The following DOCK8 variants were observed in gnomAD, a reference collection of about 807,000 sequenced individuals.
DOCK8 encodes the protein dedicator of cytokinesis protein 8.
A neutral mutation model predicts 245.6 loss-of-function variants in DOCK8; 141 were observed. The observed-to-expected ratio is 0.57, with a 90% confidence interval of 0.50 to 0.66. The LOEUF is 0.66. DOCK8 is among the 30% of genes least tolerant of loss of function. The pLI is 0.00. For missense variants in DOCK8, 2,965 were observed against 2,603.4 expected, an observed-to-expected ratio of 1.14 and a Z score of -3.02; for synonymous variants, 1,168 against 970.2, an observed-to-expected ratio of 1.20 and a Z score of -3.79.
chr9:374,696 C>T (rs909584971), intron 18 of DOCK8, among the ~76,000 whole-genome samples: 1 of 151,274 alleles, frequency 6.6e-6, no homozygotes, highest in Non-Finnish European at 1.5e-5. Context: ...AAACTCCTGG[C>T]CTCATGTGAT....
intron 33 of DOCK8, among the ~76,000 whole-genome samples, chr9:423,277 A>C (rs1265468508): frequency 6.6e-6 from 1 of 152,216 alleles, no homozygotes; most frequent in Non-Finnish European, 1.5e-5. Flanking sequence ...GTATTGCTAT[A>C]TATGCAACAA....
At chr9:361,683 C>T (rs2052738716) in intron 14 of DOCK8, among the ~76,000 whole-genome samples, 1 of 152,268 alleles carries the variant, frequency 6.6e-6, no homozygotes, top group Admixed American at 6.5e-5. Flanking sequence ...CCCACAAAAT[C>T]AGCAAATATT....
intron 40 of DOCK8, among the ~76,000 whole-genome samples, chr9:440,923 T>C (rs1313303792): frequency 6.6e-6 from 1 of 152,064 alleles, no homozygotes. Flanking sequence ...TTTGCAGAGA[T>C]GGGGTCTCCC....
intron 14 of DOCK8, among the ~76,000 whole-genome samples, chr9:348,036 G>A (rs992373552): frequency 4.6e-5 from 7 of 152,140 alleles, no homozygotes; most frequent in African/African-American, 1.2e-4. Context: ...AAGTATTGCA[G>A]CATCCTCCGA....
At chr9:415,692 G>GCACACACGCACACACGCGCACACACA (rs1554699022) in intron 29 of DOCK8, among the ~76,000 whole-genome samples, 4 of 150,978 alleles carry the variant, frequency 2.6e-5, no homozygotes, top group African/African-American at 9.7e-5. Context: ...GTGCGCGCGT[G>GCACACACGCACACACGCGCACACACA]CACACACACA....
intron 2 of DOCK8, among the ~76,000 whole-genome samples, chr9:285,372 T>C (rs2048776097): frequency 6.6e-6 from 1 of 152,070 alleles, no homozygotes; most frequent in Admixed American, 6.5e-5. Context: ...GGATCTGCCC[T>C]TGTCTCCCAT....
chr9:463,420 T>G, intron 46 of DOCK8, 97 bp from the exon 47 acceptor site: 1 of 1,504,206 alleles, frequency 6.6e-7, no homozygotes, highest in Non-Finnish European at 9.2e-7. Flanking sequence ...AAAACGTTCT[T>G]AAAGTTATTC....
intron 26 of DOCK8, among the ~76,000 whole-genome samples, chr9:403,928 A>ATATGTGTATATATATATATG (rs1333543547): frequency 2.7e-5 from 2 of 74,086 alleles, no homozygotes; most frequent in African/African-American, 1.7e-4. Context: ...ATATATATAT[A>ATATGTGTATATATATATATG]TGTGTATATA....
chr9:246,667 T>C (rs112090177), intron 1 of DOCK8, among the ~76,000 whole-genome samples: 1,553 of 152,326 alleles, frequency 0.01, 32 homozygotes, highest in African/African-American at 0.036. Context: ...AAATTTTTAA[T>C]ATTGTATAAA....
At chr9:333,620 C>T (rs1039133854) in intron 10 of DOCK8, among the ~76,000 whole-genome samples, 1 of 151,462 alleles carries the variant, frequency 6.6e-6, no homozygotes, top group African/African-American at 2.4e-5. Flanking sequence ...AAAAAATAGC[C>T]TTTCTGGAAT....
intron 1 of DOCK8, among the ~76,000 whole-genome samples, chr9:222,471 C>T (rs1276765197): frequency 6.6e-6 from 1 of 152,146 alleles, no homozygotes; most frequent in African/African-American, 2.4e-5. Context: ...ATACCTGTTT[C>T]TGCTCCTACC....
intron 1 of DOCK8, among the ~76,000 whole-genome samples, chr9:223,645 C>G (rs189331542): frequency 7.8e-4 from 116 of 149,462 alleles, no homozygotes; most frequent in African/African-American, 2.7e-3. Flanking sequence ...TAGGGAGAAT[C>G]TGCTTTATTA....
chr9:392,960 C>T (rs2054268956), intron 24 of DOCK8, among the ~76,000 whole-genome samples: 1 of 151,794 alleles, frequency 6.6e-6, no homozygotes, highest in Non-Finnish European at 1.5e-5. Context: ...GTAACATGTG[C>T]TTGTAGTCTC....
rs964304138 is a variant in DOCK8, at chr9:370,406, G to A, written c.1868+106G>A. On this transcript the variant is annotated intron_variant, in intron 16 of 47. Transcript: ENST00000432829. ...CTCCTAACTATTTTTATAATTCAGGGACTGAGGGGCAAAGGAAATCCATGC... is the reference window on the plus strand; with the variant it reads ...CTCCTAACTATTTTTATAATTCAGGAACTGAGGGGCAAAGGAAATCCATGC... 4.1e-6 allele frequency: 4 copies of A among 975,484 alleles called. No homozygotes were observed. In the South Asian group the frequency reaches 5.3e-5, roughly 13 times the overall value. 60.4% of individuals were successfully genotyped at this position (975,484 alleles called of 1,614,324 possible). A position where few individuals can be genotyped will look rare whatever the true frequency, so the allele number is the denominator to read the frequency against.
rs956634518 is a variant in DOCK8, at chr9:429,683, C to A, written c.4474-19C>A. ...CAAACTGCCAAGTGATGCCTAATGG[C>A]CCTTTATGTCTCTCCTAGTTTGGAG... On this transcript the variant is annotated intron_variant, in intron 35 of 47. Coordinates refer to ENST00000432829, the MANE Select transcript of DOCK8 (RefSeq NM_203447.4). 6.2e-7 allele frequency: 1 copy of A among 1,613,974 alleles called. No homozygotes were observed. The highest frequency in any genetic ancestry group is 8.5e-7 in the Non-Finnish European group (1 of 1,180,014).
At chr9:413,121 T>C (rs1249831576) in intron 28 of DOCK8, among the ~76,000 whole-genome samples, 1 of 152,178 alleles carries the variant, frequency 6.6e-6, no homozygotes, top group Admixed American at 6.5e-5. Flanking sequence ...TTATAGTCAA[T>C]TGATTTTTGA....
At chr9:356,228 A>G (rs1239550194) in intron 14 of DOCK8, among the ~76,000 whole-genome samples, 1 of 152,136 alleles carries the variant, frequency 6.6e-6, no homozygotes, top group African/African-American at 2.4e-5. Context: ...TAAGAAAAAA[A>G]TGTAGAGTAA....
At chr9:336,486 GATCAGTGACTTTA>G in intron 11 of DOCK8, 83 bp from the exon 12 acceptor site, 3 of 1,533,356 alleles carry the variant, frequency 2.0e-6, no homozygotes. Flanking sequence ...CAGTGTTCCT[GATCAGTGACTTTA>G]ATCATACATA....
At chr9:425,533 C>T (rs541939508) in intron 33 of DOCK8, among the ~76,000 whole-genome samples, 22 of 134,632 alleles carry the variant, frequency 1.6e-4, no homozygotes, top group African/African-American at 6.4e-4. Context: ...AGGGAGACTC[C>T]GTCTCAAAAA....
Sources: allele counts gnomAD v4.1 joint callset (sites outside exome capture counted in the v4.1 genomes callset), GRCh38; gene constraint gnomAD v4.1.1; transcripts MANE v1.5; gene names NCBI Gene and HGNC (gene_info 2026-07-23, HGNC 2026-07-21).